KLF12: variants seen among roughly 807,000 people sequenced by gnomAD.
KLF12 encodes the protein KLF transcription factor 12.
Under a neutral mutation model 37.8 loss-of-function variants are expected in KLF12, and 9 were observed. The ratio of observed to expected loss-of-function variants is 0.24; its 90% CI spans 0.14 to 0.42. The LOEUF (loss-of-function observed/expected upper bound fraction) is 0.42, where lower values mean the gene tolerates loss of function less well. Among genes scored for constraint, KLF12 ranks in the 10% least tolerant of loss-of-function variants. KLF12 has a pLI of 1.00. For synonymous variants in KLF12, 208 were observed against 202.1 expected (o/e 1.03, Z -0.25); for missense variants, 411 against 516.0 (o/e 0.80, Z 1.97).
the KLF12 span, among the ~76,000 whole-genome samples, chr13:74,265,009 A>C: frequency 6.6e-6 from 1 of 152,224 alleles, no homozygotes; most frequent in East Asian, 1.9e-4. Flanking sequence ...AATTATTTAC[A>C]ATAGTACCTA....
At chr13:74,133,550 C>G (rs1878387654) in intron 1 of KLF12, among the ~76,000 whole-genome samples, 1 of 152,080 alleles carries the variant, frequency 6.6e-6, no homozygotes, top group African/African-American at 2.4e-5. Context: ...CGCCCTTCCC[C>G]GGCCCCCTCC....
At chr13:74,158,972 G>A in the KLF12 span, among the ~76,000 whole-genome samples, 59,366 of 152,088 alleles carry the variant, frequency 0.39, 13,220 homozygotes, top group East Asian at 0.78. Flanking sequence ...TTGGTTCAAT[G>A]AGCATGTGCG....
intron 6 of KLF12, among the ~76,000 whole-genome samples, chr13:73,746,621 G>A (rs192935544): frequency 1.1e-4 from 16 of 152,158 alleles, no homozygotes; most frequent in East Asian, 5.8e-4. Context: ...CCTAGTAGGT[G>A]CTCAAAATAT....
At chr13:74,093,708 A>G (rs1415545704) in intron 1 of KLF12, among the ~76,000 whole-genome samples, 2 of 151,340 alleles carry the variant, frequency 1.3e-5, no homozygotes, top group Non-Finnish European at 2.9e-5. Flanking sequence ...ATTGACTCCA[A>G]AAAGAAAAAA....
chr13:74,139,421 T>C, the KLF12 span, among the ~76,000 whole-genome samples: 1 of 152,218 alleles, frequency 6.6e-6, no homozygotes. Flanking sequence ...TAGAATGATA[T>C]ACGTTAAAAC....
the KLF12 span, among the ~76,000 whole-genome samples, chr13:74,269,776 G>A: frequency 0.087 from 13,230 of 152,040 alleles, 741 homozygotes; most frequent in South Asian, 0.17. Flanking sequence ...ATAAATTTTC[G>A]TCTTTCTCAT....
intron 1 of KLF12, among the ~76,000 whole-genome samples, chr13:74,118,054 G>T (rs747742784): frequency 1.4e-4 from 22 of 152,060 alleles, no homozygotes; most frequent in Non-Finnish European, 2.5e-4. Flanking sequence ...ATTCTACTAA[G>T]TGTCATTACA....
intron 6 of KLF12, among the ~76,000 whole-genome samples, chr13:73,750,231 CAGCCATCAAAATGTGGAAAGGG>C (rs1878646935): frequency 1.3e-5 from 2 of 152,278 alleles, no homozygotes; most frequent in South Asian, 4.1e-4. Flanking sequence ...GAATGGGAAA[CAGCCATCAAAATGTGGAAAGGG>C]AACCACCAAA....
At chr13:73,773,081 C>T (rs967665539) in intron 5 of KLF12, among the ~76,000 whole-genome samples, 1 of 152,120 alleles carries the variant, frequency 6.6e-6, no homozygotes, top group Non-Finnish European at 1.5e-5. Context: ...AAAAAGAATA[C>T]AAGTTTTTAA....
the KLF12 span, among the ~76,000 whole-genome samples, chr13:74,276,987 C>T: frequency 7.2e-5 from 11 of 152,350 alleles, no homozygotes; most frequent in East Asian, 3.9e-4. Flanking sequence ...ACAATGCCCA[C>T]GGCAGTGCCC....
chr13:74,222,541 T>C, the KLF12 span, among the ~76,000 whole-genome samples: 1 of 152,240 alleles, frequency 6.6e-6, no homozygotes, highest in African/African-American at 2.4e-5. Flanking sequence ...ACCAACTTTA[T>C]TCCCCTTATT....
chr13:73,922,555 T>C (rs1193502662), intron 3 of KLF12, among the ~76,000 whole-genome samples: 1 of 152,178 alleles, frequency 6.6e-6, no homozygotes, highest in Non-Finnish European at 1.5e-5. Context: ...GGAGGTATAA[T>C]CTGTCTCTTC....
intron 1 of KLF12, among the ~76,000 whole-genome samples, chr13:74,018,964 G>A (rs187045982): frequency 1.3e-5 from 2 of 152,182 alleles, no homozygotes; most frequent in East Asian, 1.9e-4. Context: ...GAAAACAATC[G>A]ATATCAGGCA....
At chr13:74,282,580 G>A in the KLF12 span, among the ~76,000 whole-genome samples, 14 of 152,176 alleles carry the variant, frequency 9.2e-5, no homozygotes, top group African/African-American at 3.4e-4. Flanking sequence ...GTGTGATGGG[G>A]ACGCACCTCC....
At chr13:73,841,956 T>C (rs1007926987) in intron 4 of KLF12, among the ~76,000 whole-genome samples, 2 of 152,190 alleles carry the variant, frequency 1.3e-5, no homozygotes, top group East Asian at 3.9e-4. Flanking sequence ...TTTTTCTTCA[T>C]ATCACATATT....
intron 3 of KLF12, among the ~76,000 whole-genome samples, chr13:73,893,369 C>CTTTTTTTTTTTT (rs71115621): frequency 2.0e-5 from 1 of 50,564 alleles, no homozygotes; most frequent in East Asian, 7.1e-4. Context: ...ACAATATTGA[C>CTTTTTTTTTTTT]TTTTTTTTTT....
chr13:73,711,439 G>T (rs960062556), intron 7 of KLF12, among the ~76,000 whole-genome samples: 1 of 152,210 alleles, frequency 6.6e-6, no homozygotes, highest in African/African-American at 2.4e-5. Flanking sequence ...AATGGAGACA[G>T]TAACCTTCAG....
At chr13:73,860,738 A>G (rs974849053) in intron 3 of KLF12, among the ~76,000 whole-genome samples, 4 of 152,168 alleles carry the variant, frequency 2.6e-5, no homozygotes, top group African/African-American at 4.8e-5. Context: ...AGTGAAAAAA[A>G]ATCTATGAAT....
At chr13:73,775,382 A>G (rs1357805413) in intron 5 of KLF12, among the ~76,000 whole-genome samples, 1 of 152,234 alleles carries the variant, frequency 6.6e-6, no homozygotes, top group East Asian at 1.9e-4. Flanking sequence ...TTGATAAAAT[A>G]ATGCTATGGT....
Sources: gnomAD v4.1 joint callset for allele counts (sites outside exome capture counted in the v4.1 genomes callset) on GRCh38, gnomAD v4.1.1 for gene constraint, MANE v1.5 for transcripts, NCBI Gene and HGNC (gene_info 2026-07-23, HGNC 2026-07-21) for gene names.